Variants in NSMAF observed in about 807,000 individuals in gnomAD.
NSMAF encodes protein FAN.
In NSMAF, 90 loss-of-function variants were observed where a neutral mutation model predicts 134.9. The observed-to-expected ratio is 0.67, with a 90% CI of 0.56 to 0.79. NSMAF has a LOEUF of 0.79. Among genes scored for constraint, NSMAF ranks in the 30% least tolerant of loss-of-function variants. The pLI, the probability that NSMAF is intolerant of heterozygous loss-of-function variation, is 0.00. For synonymous variants in NSMAF, 358 were observed against 389.6 expected, an observed-to-expected ratio of 0.92 and a Z score of 0.96; for missense variants, 1,010 against 1,119.0, an observed-to-expected ratio of 0.90 and a Z score of 1.39.
intron 19 of NSMAF, 63 bp from the exon 20 acceptor site, chr8:58,597,965 A>G: frequency 8.3e-7 from 1 of 1,210,476 alleles, no homozygotes; most frequent in Non-Finnish European, 1.2e-6. Flanking sequence ...TACACTGTTT[A>G]GAACCTAAAC....
rs1253503539 is a variant in NSMAF at position 58,634,603 on chromosome 8, AAAAG to A, written c.333+582_333+585del. The stretch of plus-strand genomic sequence containing the variant: ...GATGAAGCAGATGAAACCCAGAGCC[AAAAG>A]AAAGTAGTCCCTTCTTATTTACAAT... On this transcript the variant is annotated intron_variant, in intron 5 of 30. Transcript: ENST00000038176. Among the ~76,000 whole-genome samples the A allele has an allele frequency of 2.0e-5, 3 of 152,244 alleles. 1 individual carries two copies. Among genetic ancestry groups the A allele is most frequent in the African/African-American group, 7.2e-5 (3 of 41,464 alleles).
At chr8:58,632,023 T>A (rs1020038770) in intron 5 of NSMAF, among the ~76,000 whole-genome samples, 1 of 152,154 alleles carries the variant, frequency 6.6e-6, no homozygotes, top group African/African-American at 2.4e-5. Context: ...GTGGAATAAG[T>A]GACACCATCT....
chr8:58,639,461 T>C (rs1330946144), intron 2 of NSMAF, among the ~76,000 whole-genome samples: 2 of 152,226 alleles, frequency 1.3e-5, no homozygotes, highest in African/African-American at 4.8e-5. Flanking sequence ...TAACAGTTGT[T>C]GGCAAGAGCG....
At chr8:58,601,395 A>C (rs977618853) in intron 15 of NSMAF, 47 bp from the exon 16 acceptor site, 27 of 1,610,984 alleles carry the variant, frequency 1.7e-5, no homozygotes, top group African/African-American at 2.7e-5. Flanking sequence ...GAATCATTGA[A>C]GAATACAGTG....
intron 1 of NSMAF, among the ~76,000 whole-genome samples, chr8:58,654,525 G>C (rs1807658522): frequency 6.6e-6 from 1 of 151,970 alleles, no homozygotes. Context: ...ACTCCAGCCT[G>C]GGCAACAAAA....
chr8:58,634,444 G>A (rs963229924), intron 5 of NSMAF, among the ~76,000 whole-genome samples: 15 of 152,164 alleles, frequency 9.9e-5, no homozygotes, highest in African/African-American at 3.6e-4. Context: ...TTTGAAGTCA[G>A]CAAGTCCGTG....
At chr8:58,593,487 A>G (rs902543614) in intron 23 of NSMAF, among the ~76,000 whole-genome samples, 7 of 152,208 alleles carry the variant, frequency 4.6e-5, no homozygotes, top group Non-Finnish European at 1.0e-4. Context: ...GAGTAGCCTT[A>G]CTTTATAAAG....
intron 23 of NSMAF, 41 bp from the exon 24 acceptor site, chr8:58,590,975 C>T: frequency 6.5e-7 from 1 of 1,541,750 alleles, no homozygotes; most frequent in Non-Finnish European, 8.8e-7. Context: ...GAAAGATTTC[C>T]TAACCATTAC....
At chr8:58,599,624 G>A in intron 18 of NSMAF, 126 bp downstream of exon 18, 1 of 1,070,168 alleles carries the variant, frequency 9.3e-7, no homozygotes. Context: ...ATGGAATAGG[G>A]CTCATATATC....
At chr8:58,652,926 C>T (rs571279904) in intron 1 of NSMAF, among the ~76,000 whole-genome samples, 2 of 152,092 alleles carry the variant, frequency 1.3e-5, no homozygotes, top group African/African-American at 4.8e-5. Flanking sequence ...AATTCCGTAA[C>T]GAGGATATGA....
At chr8:58,606,063 A>ATAAATAATAAAG (rs762945469) in intron 11 of NSMAF, 28 bp from the exon 12 acceptor site, 1 of 1,511,912 alleles carries the variant, frequency 6.6e-7, no homozygotes, top group South Asian at 1.3e-5. Context: ...AAATAATAAA[A>ATAAATAATAAAG]TAAATAGCAT....
chr8:58,601,596 A>C, intron 14 of NSMAF, 61 bp from the exon 15 acceptor site: 1 of 1,537,332 alleles, frequency 6.5e-7, no homozygotes. Flanking sequence ...AATAACTGAC[A>C]AGTAGAAAAA....
rs994183395 is a variant in NSMAF at position 58,607,847 on chromosome 8, A to G, written c.688-7T>C. The G allele has an allele frequency of 9.3e-6, 15 of 1,610,368 alleles. No individual in the cohort carries two copies. The highest frequency in any genetic ancestry group is 1.3e-5 in the Non-Finnish European group (15 of 1,176,608). The stretch of plus-strand genomic sequence containing the variant: ...TTATCTGGACCACAGGTTTCTTTAA[A>G]AGTAGAAAGACAATCTCAAACATTA... On this transcript the variant is annotated splice_region_variant and splice_polypyrimidine_tract_variant and intron_variant, in intron 10 of 30. Transcript: ENST00000038176.
intron 29 of NSMAF, 31 bp from the exon 30 acceptor site, chr8:58,585,792 T>C (rs759007577): frequency 1.1e-5 from 18 of 1,603,570 alleles, no homozygotes; most frequent in Admixed American, 6.7e-5. Flanking sequence ...TAGTCCTTTC[T>C]TCATCATGAA....
At position 58,587,703 on chromosome 8, in the gene NSMAF, T is replaced by C. The variant is rs935729072; in HGVS notation, c.2212-2A>G. 6.2e-7 allele frequency: 1 copy of C among 1,613,320 alleles called. No homozygotes were observed. The highest frequency in any genetic ancestry group is 8.5e-7 in the Non-Finnish European group (1 of 1,179,468). ...CTCTGCAGGAACACCAGACCACACC[T>C]AGGATGGAACATATTGCAGAAGGTA... On this transcript the variant is annotated splice_acceptor_variant, in intron 26 of 30. Coordinates refer to ENST00000038176, the MANE Select transcript of NSMAF (RefSeq NM_003580.4). LOFTEE classifies it high-confidence loss of function.
At chr8:58,638,012 T>C (rs10112330) in intron 2 of NSMAF, among the ~76,000 whole-genome samples, 47,293 of 152,104 alleles carry the variant, frequency 0.31, 7,789 homozygotes, top group Non-Finnish European at 0.36. Context: ...TTAACATTGA[T>C]ATTGACCCAC....
At chr8:58,624,035 A>ATTTTTTTTTTTT (rs11431046) in intron 6 of NSMAF, among the ~76,000 whole-genome samples, 1 of 99,098 alleles carries the variant, frequency 1.0e-5, no homozygotes, top group Non-Finnish European at 1.9e-5. Flanking sequence ...TAGAGTTAGG[A>ATTTTTTTTTTTT]TTTTTTTTTT....
chr8:58,631,424 A>T, intron 6 of NSMAF, 72 bp downstream of exon 6: 1 of 852,506 alleles, frequency 1.2e-6, no homozygotes. Context: ...AAAGATGTTA[A>T]TAGAGTCACA....
At chr8:58,588,838 T>C in intron 26 of NSMAF, 1 of 764,064 alleles carries the variant, frequency 1.3e-6, no homozygotes. Context: ...TTTCTGATCA[T>C]GGCAGATGAA....
Sources: allele counts gnomAD v4.1 joint callset (sites outside exome capture counted in the v4.1 genomes callset), GRCh38; gene constraint gnomAD v4.1.1; transcripts MANE v1.5; gene names NCBI Gene and HGNC (gene_info 2026-07-23, HGNC 2026-07-21).